The following UVRAG variants were observed in gnomAD, a reference collection of about 807,000 sequenced individuals.
UVRAG encodes the protein UV radiation resistance-associated gene protein.
A neutral mutation model predicts 78.0 loss-of-function variants in UVRAG; 19 were observed. The observed-to-expected ratio is 0.24, with a 90% confidence interval of 0.17 to 0.36. The LOEUF (loss-of-function observed/expected upper bound fraction) is 0.36, where lower values mean the gene tolerates loss of function less well. Ranked by LOEUF, UVRAG falls within the 10% of genes least tolerant of loss-of-function variation. The probability of loss-of-function intolerance (pLI) is 1.00; values close to 1 mark genes in which losing one functional copy is unlikely to be tolerated. For missense variants in UVRAG, 740 were observed against 853.8 expected, an observed-to-expected ratio of 0.87 and a Z score of 1.66; for synonymous variants, 323 against 324.6, an observed-to-expected ratio of 1.00 and a Z score of 0.05.
intron 11 of UVRAG, among the ~76,000 whole-genome samples, chr11:76,012,247 T>C (rs1045699725): frequency 6.6e-6 from 1 of 151,666 alleles, no homozygotes; most frequent in Admixed American, 6.6e-5. Flanking sequence ...TGTTCTCACA[T>C]TTACCCTAAT....
At chr11:75,857,792 T>C (rs1214376054) in intron 2 of UVRAG, among the ~76,000 whole-genome samples, 1 of 152,042 alleles carries the variant, frequency 6.6e-6, no homozygotes, top group East Asian at 1.9e-4. Context: ...TCAGCCTTTT[T>C]TTTTTTTTCC....
At chr11:76,131,235 G>A (rs1952507799) in intron 14 of UVRAG, among the ~76,000 whole-genome samples, 1 of 152,188 alleles carries the variant, frequency 6.6e-6, no homozygotes, top group Non-Finnish European at 1.5e-5. Flanking sequence ...TGAAGTGGTT[G>A]ACTTGACCCC....
At chr11:76,116,107 C>T in intron 14 of UVRAG, 92 bp downstream of exon 14, 1 of 1,212,928 alleles carries the variant, frequency 8.2e-7, no homozygotes, top group Non-Finnish European at 1.2e-6. Context: ...ACACCTGCCT[C>T]TGAGTTTTCT....
intron 12 of UVRAG, among the ~76,000 whole-genome samples, chr11:76,020,805 T>C (rs1375109678): frequency 1.3e-5 from 2 of 152,080 alleles, no homozygotes; most frequent in East Asian, 3.9e-4. Flanking sequence ...AATTGCAGTC[T>C]TCACAGCCTA....
At chr11:75,970,621 T>A (rs551672562) in intron 7 of UVRAG, among the ~76,000 whole-genome samples, 2 of 151,640 alleles carry the variant, frequency 1.3e-5, no homozygotes, top group East Asian at 3.9e-4. Flanking sequence ...TAGTCCCAGT[T>A]ACTTGTGAGG....
At chr11:76,068,434 G>T (rs939985376) in intron 13 of UVRAG, among the ~76,000 whole-genome samples, 2 of 152,168 alleles carry the variant, frequency 1.3e-5, no homozygotes, top group African/African-American at 4.8e-5. Flanking sequence ...AAAATTGAGA[G>T]AACAATCAAT....
intron 6 of UVRAG, chr11:75,934,882 A>G (rs1948333849): frequency 6.6e-6 from 1 of 152,210 alleles, no homozygotes; most frequent in Non-Finnish European, 1.5e-5. Context: ...AGGCAGGCAC[A>G]TTGAAAGCCC....
chr11:76,015,430 A>T (rs1459787126), intron 11 of UVRAG, among the ~76,000 whole-genome samples: 1 of 152,124 alleles, frequency 6.6e-6, no homozygotes, highest in African/African-American at 2.4e-5. Flanking sequence ...TGTCAAGCCA[A>T]CCTGTTTACT....
intron 3 of UVRAG, among the ~76,000 whole-genome samples, chr11:75,864,078 G>A (rs1183584726): frequency 7.1e-6 from 1 of 141,356 alleles, no homozygotes; most frequent in Non-Finnish European, 1.5e-5. Context: ...TTTTTTTTGA[G>A]ACAGGGTCTC....
At chr11:75,903,212 G>A (rs1373978306) in intron 5 of UVRAG, among the ~76,000 whole-genome samples, 1 of 151,900 alleles carries the variant, frequency 6.6e-6, no homozygotes, top group African/African-American at 2.4e-5. Context: ...GCCTCCTATC[G>A]GGTAGTTGGA....
chr11:76,109,607 C>T lies in UVRAG; in HGVS notation c.1306-6317C>T, dbSNP rs538945680. Among the ~76,000 whole-genome samples the T allele has an allele frequency of 3.9e-5, 6 of 152,324 alleles. No homozygotes were observed. In the East Asian group the frequency reaches 1.2e-3, roughly 29 times the overall value. On this transcript the variant is annotated intron_variant, in intron 13 of 14. Coordinates refer to ENST00000356136, the MANE Select transcript of UVRAG (RefSeq NM_003369.4). The stretch of plus-strand genomic sequence containing the variant: ...GAATAGGCTGTGAGTCCAGGCCTCT[C>T]ATTCCAAAGACAGAGAGCTGATTCA...
In UVRAG at chr11:76,135,208, G is replaced by A. The variant is rs1293939916; in HGVS notation, c.1398-5503G>A. 3.3e-5 allele frequency among the ~76,000 whole-genome samples: 5 copies of A among 152,200 alleles called. No individual in the cohort carries two copies. In the East Asian group the frequency reaches 9.6e-4, roughly 29 times the overall value. On this transcript the variant is annotated intron_variant, in intron 14 of 14. Transcript: ENST00000356136. Reference sequence around the variant, plus strand: ...AACTAATAAACGAATGTAACCTTAAGTTGTAACTCCATATAGGTGGGATCA... The same window carrying A: ...AACTAATAAACGAATGTAACCTTAAATTGTAACTCCATATAGGTGGGATCA...
intron 4 of UVRAG, 141 bp from the exon 5 acceptor site, chr11:75,888,688 T>G (rs551839897): frequency 1.7e-6 from 1 of 593,466 alleles, no homozygotes; most frequent in South Asian, 2.6e-5. Flanking sequence ...GAATAGTGAT[T>G]GGTTTTCTGC....
chr11:76,005,389 A>G (rs1388707288), intron 9 of UVRAG, among the ~76,000 whole-genome samples: 1 of 152,188 alleles, frequency 6.6e-6, no homozygotes, highest in Non-Finnish European at 1.5e-5. Flanking sequence ...GAGATTATCT[A>G]TTCCAATTCT....
intron 1 of UVRAG, among the ~76,000 whole-genome samples, chr11:75,831,507 A>AAAC (rs59160547): frequency 0.037 from 5,626 of 150,166 alleles, 364 homozygotes; most frequent in African/African-American, 0.13. Flanking sequence ...AACAAACAAA[A>AAAC]AAAAAAAACA....
intron 4 of UVRAG, among the ~76,000 whole-genome samples, chr11:75,881,470 C>T (rs555116467): frequency 1.2e-4 from 19 of 152,266 alleles, no homozygotes; most frequent in East Asian, 1.2e-3. Flanking sequence ...ATTCCAAAGG[C>T]GGCAAATCAG....
At chr11:75,978,210 G>A (rs528840849) in intron 7 of UVRAG, among the ~76,000 whole-genome samples, 47 of 152,218 alleles carry the variant, frequency 3.1e-4, no homozygotes, top group African/African-American at 1.1e-3. Context: ...CTCTTTTGTG[G>A]CTTGTAGAGT....
intron 2 of UVRAG, among the ~76,000 whole-genome samples, chr11:75,859,317 G>A (rs1295480268): frequency 6.6e-6 from 1 of 151,560 alleles, no homozygotes; most frequent in Non-Finnish European, 1.5e-5. Flanking sequence ...CGGAGGTTGC[G>A]GTGAGCCGAG....
intron 12 of UVRAG, among the ~76,000 whole-genome samples, chr11:76,029,415 T>C (rs543407859): frequency 6.6e-6 from 1 of 152,264 alleles, no homozygotes; most frequent in South Asian, 2.1e-4. Flanking sequence ...ATTCCTCTGA[T>C]GGATCTGGGC....
Sources: allele counts gnomAD v4.1 joint callset (sites outside exome capture counted in the v4.1 genomes callset), GRCh38; gene constraint gnomAD v4.1.1; transcripts MANE v1.5; gene names NCBI Gene and HGNC (gene_info 2026-07-23, HGNC 2026-07-21).